Variants in ZNF827 observed in about 807,000 individuals in gnomAD.
ZNF827 encodes the protein zinc finger protein 827.
In ZNF827, 13 loss-of-function variants were observed where a neutral mutation model predicts 102.4. The ratio of observed to expected loss-of-function variants is 0.13; its 90% CI spans 0.08 to 0.20. The LOEUF (loss-of-function observed/expected upper bound fraction) is 0.20, where lower values mean the gene tolerates loss of function less well. Ranked by LOEUF, ZNF827 falls within the 10% of genes least tolerant of loss-of-function variation. The pLI is 1.00. For missense variants in ZNF827, 1,103 were observed against 1,344.4 expected, an observed-to-expected ratio of 0.82 and a Z score of 2.81; for synonymous variants, 523 against 536.2, an observed-to-expected ratio of 0.98 and a Z score of 0.34.
chr4:145,762,194 T>C lies in ZNF827; in HGVS notation c.*18-596A>G, dbSNP rs1734625367. Among the ~76,000 whole-genome samples, 1 of 152,148 alleles carries C rather than the reference T, an allele frequency of 6.6e-6. No individual in the cohort carries two copies. Among genetic ancestry groups the C allele is most frequent in the African/African-American group, 2.4e-5 (1 of 41,416 alleles). On this transcript the variant is annotated intron_variant, in intron 14 of 14. Transcript: ENST00000508784. This position sits in a 1 kb window ranked among gnomAD's most constrained non-coding sequence, Gnocchi z 4.9. ...GTGTGTGTCTCTCTGTGTGAGTGTG[T>C]GCATGTGTACATATCTATGTACTCG... is the stretch of plus-strand genomic sequence containing the variant.
At chr4:145,878,545 A>G (rs1354757177) in intron 4 of ZNF827, among the ~76,000 whole-genome samples, 4 of 150,958 alleles carry the variant, frequency 2.6e-5, no homozygotes, top group Non-Finnish European at 4.4e-5. Context: ...TCATCTCGAA[A>G]GAAAAAAAAG....
chr4:145,805,687 G>A (rs958983556), intron 8 of ZNF827, among the ~76,000 whole-genome samples: 2 of 152,126 alleles, frequency 1.3e-5, no homozygotes, highest in Non-Finnish European at 2.9e-5. Flanking sequence ...AATGGTTCCT[G>A]GCATACTTGC....
Position 145,902,982 on chromosome 4 carries a change from C to A in ZNF827, c.277G>T (p.Asp93Tyr), listed in dbSNP as rs780742952. 1.4e-5 allele frequency: 22 copies of A among 1,614,028 alleles called. No homozygotes were observed. The highest frequency in any genetic ancestry group is 1.9e-5 in the Non-Finnish European group (22 of 1,180,036). Residue 93 changes from aspartate (D) to tyrosine (Y), a missense_variant, in exon 2 of 15, where the codon GAC becomes TAC. By Grantham distance (160) the Asp-to-Tyr change is radical (BLOSUM62 -3). Transcript: ENST00000508784. This position sits in a 1 kb window ranked among gnomAD's most constrained non-coding sequence, Gnocchi z 4.3. The part of the protein sequence containing the change: ...LVALDSEVLR[D>Y]SLQCQDHLSP... ...AGGTGATCTTGACACTGCAGTGAGT[C>A]TCGCAGGACCTCACTGTCCAGTGCC...
chr4:145,813,478 C>G (rs1024710570), intron 8 of ZNF827, among the ~76,000 whole-genome samples: 6 of 151,630 alleles, frequency 4.0e-5, no homozygotes, highest in African/African-American at 1.5e-4. Context: ...TTGGTACCAT[C>G]TGTGTTTTCA....
At chr4:145,817,305 A>T (rs1377074499) in intron 8 of ZNF827, among the ~76,000 whole-genome samples, 3 of 152,192 alleles carry the variant, frequency 2.0e-5, no homozygotes, top group South Asian at 2.1e-4. Flanking sequence ...CTGTGCTAGC[A>T]TATAGTTTTG....
intron 2 of ZNF827, among the ~76,000 whole-genome samples, chr4:145,895,332 T>C (rs1052585542): frequency 6.6e-6 from 1 of 152,208 alleles, no homozygotes; most frequent in Non-Finnish European, 1.5e-5. Flanking sequence ...ATTCTTTATT[T>C]CAAATGTTTT....
intron 5 of ZNF827, among the ~76,000 whole-genome samples, chr4:145,869,572 C>A (rs1048216688): frequency 6.6e-6 from 1 of 152,014 alleles, no homozygotes; most frequent in Non-Finnish European, 1.5e-5. Flanking sequence ...TATGTTTTTA[C>A]CTGTTTCAGA....
At chr4:145,806,147 C>CT (rs11364915) in intron 8 of ZNF827, among the ~76,000 whole-genome samples, 20 of 77,320 alleles carry the variant, frequency 2.6e-4, no homozygotes, top group Middle Eastern at 6.9e-3. Flanking sequence ...AATAAATGAA[C>CT]TTTTTTTTTT....
intron 4 of ZNF827, among the ~76,000 whole-genome samples, chr4:145,871,788 A>G (rs919572794): frequency 3.9e-5 from 6 of 152,194 alleles, no homozygotes; most frequent in African/African-American, 1.4e-4. Flanking sequence ...AAGAATATGC[A>G]TTCTGGAATC....
chr4:145,828,069 G>A (rs1415490723), intron 7 of ZNF827, among the ~76,000 whole-genome samples: 2 of 152,144 alleles, frequency 1.3e-5, no homozygotes, highest in African/African-American at 2.4e-5. Context: ...AGTTCCAGGA[G>A]GTACCGGACA....
At chr4:145,783,385 C>T (rs1738382420) in intron 8 of ZNF827, among the ~76,000 whole-genome samples, 1 of 152,212 alleles carries the variant, frequency 6.6e-6, no homozygotes, top group Non-Finnish European at 1.5e-5. Context: ...ATCAGGCTAC[C>T]TGCCTTTTGA....
intron 7 of ZNF827, among the ~76,000 whole-genome samples, chr4:145,827,312 G>T (rs539257598): frequency 2.6e-5 from 4 of 152,214 alleles, no homozygotes; most frequent in African/African-American, 9.6e-5. Context: ...GATAGAGAAG[G>T]GGGTGATGGA....
intron 7 of ZNF827, among the ~76,000 whole-genome samples, chr4:145,829,040 T>A (rs1284928041): frequency 6.6e-6 from 1 of 151,948 alleles, no homozygotes; most frequent in African/African-American, 2.4e-5. Flanking sequence ...TTGACAGCAA[T>A]AACAAAACCA....
At chr4:145,811,331 G>T (rs950990597) in intron 8 of ZNF827, among the ~76,000 whole-genome samples, 1 of 152,134 alleles carries the variant, frequency 6.6e-6, no homozygotes, top group African/African-American at 2.4e-5. Flanking sequence ...AGTATTTCAT[G>T]TAAGTATTAC....
chr4:145,777,121 A>C (rs1026145969), intron 9 of ZNF827, among the ~76,000 whole-genome samples: 1 of 152,256 alleles, frequency 6.6e-6, no homozygotes, highest in African/African-American at 2.4e-5. Flanking sequence ...TCTTCTCTAC[A>C]AAATATGAGA....
chr4:145,885,054 T>C (rs1010317387), intron 4 of ZNF827, among the ~76,000 whole-genome samples: 1 of 152,100 alleles, frequency 6.6e-6, no homozygotes, highest in Admixed American at 6.5e-5. Flanking sequence ...AATGTGAACA[T>C]ACTTAATGTC....
intron 8 of ZNF827, among the ~76,000 whole-genome samples, chr4:145,783,801 G>T (rs1176070445): frequency 2.0e-5 from 3 of 152,240 alleles, no homozygotes; most frequent in African/African-American, 7.2e-5. Context: ...CAAGGATGGA[G>T]AAAGGGAAAG....
At chr4:145,908,791 A>C (rs2126915859) in intron 1 of ZNF827, among the ~76,000 whole-genome samples, 1 of 152,332 alleles carries the variant, frequency 6.6e-6, no homozygotes, top group African/African-American at 2.4e-5. Context: ...TAATCAACAG[A>C]AGAGTGAGGG....
At chr4:145,840,518 A>G (rs1023768789) in intron 7 of ZNF827, among the ~76,000 whole-genome samples, 1 of 152,248 alleles carries the variant, frequency 6.6e-6, no homozygotes. Flanking sequence ...TGGAAATAGA[A>G]TGCTCATTGC....
Sources: gnomAD v4.1 joint callset for allele counts (sites outside exome capture counted in the v4.1 genomes callset) on GRCh38, gnomAD v4.1.1 for gene constraint, Gnocchi (gnomAD v3.1) non-coding constraint, MANE v1.5 for transcripts, NCBI Gene and HGNC (gene_info 2026-07-23, HGNC 2026-07-21) for gene names.